Variants in EXOC4 observed in about 807,000 individuals in gnomAD.
EXOC4 encodes exocyst complex component 4, also known as SEC8-like 1.
In EXOC4, 71 loss-of-function variants were observed where a neutral mutation model predicts 107.2. The ratio of observed to expected loss-of-function variants is 0.66; its 90% CI spans 0.55 to 0.81. The LOEUF is 0.81. Among genes scored for constraint, EXOC4 ranks in the 30% least tolerant of loss-of-function variants. The probability of loss-of-function intolerance (pLI) is 0.00; values close to 1 mark genes in which losing one functional copy is unlikely to be tolerated. For synonymous variants in EXOC4, 456 were observed against 441.2 expected (o/e 1.03, Z -0.42); for missense variants, 1,108 against 1,189.6 (o/e 0.93, Z 1.01).
intron 10 of EXOC4, among the ~76,000 whole-genome samples, chr7:133,694,399 G>A (rs927130617): frequency 2.0e-5 from 3 of 152,080 alleles, no homozygotes; most frequent in South Asian, 2.1e-4. Flanking sequence ...CTTGAGAACC[G>A]CTATAAATGC....
chr7:133,314,843 TAGAC>T (rs1794953749), intron 4 of EXOC4, among the ~76,000 whole-genome samples: 1 of 152,244 alleles, frequency 6.6e-6, no homozygotes, highest in South Asian at 2.1e-4. Flanking sequence ...TTTAAATATT[TAGAC>T]AATGTATTAT....
intron 6 of EXOC4, among the ~76,000 whole-genome samples, chr7:133,374,176 A>G (rs6951918): frequency 0.069 from 10,489 of 152,258 alleles, 1,211 homozygotes; most frequent in African/African-American, 0.23. Context: ...CTGCACTGCA[A>G]CCTTATTTTG....
Position 133,981,478 on chromosome 7 carries a change from A to G in EXOC4, c.2207-16014A>G, listed in dbSNP as rs1240175441. ...AGATATTTTTTTAAAGAAGACATACATGCAGGCAACAAGAAAAAAAAGCTA... is the reference window on the plus strand; with the variant it reads ...AGATATTTTTTTAAAGAAGACATACGTGCAGGCAACAAGAAAAAAAAGCTA... On this transcript the variant is annotated intron_variant, in intron 14 of 17. Transcript: ENST00000253861. Among the ~76,000 whole-genome samples, 3 of 152,296 alleles carry G rather than the reference A, an allele frequency of 2.0e-5. No individual in the cohort carries two copies. The East Asian group carries it at 5.8e-4, about 29-fold the overall frequency.
At chr7:133,853,386 ACACACACACAC>A (rs1461504607) in intron 11 of EXOC4, among the ~76,000 whole-genome samples, 4 of 133,536 alleles carry the variant, frequency 3.0e-5, no homozygotes, top group South Asian at 2.3e-4. Context: ...ACACACACAC[ACACACACACAC>A]AACTTTTTAG....
Position 133,743,866 on chromosome 7 carries a change from C to T in EXOC4, c.1515-73459C>T, listed in dbSNP as rs1416656217. On this transcript the variant is annotated intron_variant, in intron 10 of 17. Transcript: ENST00000253861. ...TACATCAGAGCCACCCTGCTTCTCACTGCTGCTTAGTAGGTTGGTGTGTCT... is the reference window on the plus strand; with the variant it reads ...TACATCAGAGCCACCCTGCTTCTCATTGCTGCTTAGTAGGTTGGTGTGTCT... Among the ~76,000 whole-genome samples the T allele has an allele frequency of 5.9e-5, 9 of 152,126 alleles. No individual in the cohort carries two copies. The East Asian group carries it at 1.7e-3, about 29-fold the overall frequency.
intron 6 of EXOC4, among the ~76,000 whole-genome samples, chr7:133,371,003 T>C (rs757499723): frequency 2.6e-5 from 4 of 152,192 alleles, no homozygotes; most frequent in Non-Finnish European, 4.4e-5. Context: ...AATGGAAATC[T>C]ATTGTTTCTT....
rs187823747 is a variant in EXOC4, at chr7:133,885,810, A to G, written c.1735-9789A>G. 5.6e-3 allele frequency among the ~76,000 whole-genome samples: 848 copies of G among 152,322 alleles called. 8 individuals carry two copies. Among genetic ancestry groups the G allele is most frequent in the African/African-American group, 0.019 (807 of 41,582 alleles). ...CTCGTAATTTAGTGTGGTTGGAGCA[A>G]GAGATGGGCATGTTCAGAGGAACTG... On this transcript the variant is annotated intron_variant, in intron 11 of 17. Transcript: ENST00000253861.
intron 17 of EXOC4, among the ~76,000 whole-genome samples, chr7:134,033,199 A>T (rs938841761): frequency 6.6e-6 from 1 of 152,210 alleles, no homozygotes; most frequent in Non-Finnish European, 1.5e-5. Flanking sequence ...AAAATGTCAG[A>T]GTGCCAAGAG....
chr7:133,668,537 A>G (rs935391935), intron 10 of EXOC4, among the ~76,000 whole-genome samples: 4 of 152,154 alleles, frequency 2.6e-5, no homozygotes, highest in Non-Finnish European at 5.9e-5. Flanking sequence ...ACACAGGTTT[A>G]TCCATAATGT....
intron 12 of EXOC4, among the ~76,000 whole-genome samples, chr7:133,902,692 A>G (rs1799479922): frequency 6.6e-6 from 1 of 152,146 alleles, no homozygotes; most frequent in Non-Finnish European, 1.5e-5. Flanking sequence ...GTCTCTACTA[A>G]AAACGCCAAA....
intron 17 of EXOC4, among the ~76,000 whole-genome samples, chr7:134,063,229 C>G (rs992362027): frequency 6.6e-6 from 1 of 152,164 alleles, no homozygotes; most frequent in Non-Finnish European, 1.5e-5. Context: ...GCTCTTCCCT[C>G]CAACTAGAAT....
At chr7:133,886,443 C>A (rs1799089219) in intron 11 of EXOC4, among the ~76,000 whole-genome samples, 1 of 152,122 alleles carries the variant, frequency 6.6e-6, no homozygotes, top group African/African-American at 2.4e-5. Flanking sequence ...ACAACTGGTT[C>A]ACTTTATACT....
chr7:133,707,050 G>A (rs541839396), intron 10 of EXOC4, among the ~76,000 whole-genome samples: 13 of 151,122 alleles, frequency 8.6e-5, no homozygotes, highest in Non-Finnish European at 1.6e-4. Flanking sequence ...AGACATGTGT[G>A]TGTACACATT....
At chr7:133,376,389 C>T (rs772433472) in intron 7 of EXOC4, among the ~76,000 whole-genome samples, 10 of 151,938 alleles carry the variant, frequency 6.6e-5, no homozygotes, top group Non-Finnish European at 1.2e-4. Flanking sequence ...GTGTGCCTTT[C>T]GTATCCATGT....
intron 10 of EXOC4, among the ~76,000 whole-genome samples, chr7:133,634,932 TC>T (rs1327996159): frequency 6.6e-6 from 1 of 152,080 alleles, no homozygotes; most frequent in Non-Finnish European, 1.5e-5. Context: ...TGCCTTTTTT[TC>T]TTCCATTGAC....
At chr7:133,940,937 G>C (rs1182404817) in intron 14 of EXOC4, among the ~76,000 whole-genome samples, 1 of 151,944 alleles carries the variant, frequency 6.6e-6, no homozygotes, top group Non-Finnish European at 1.5e-5. Context: ...TATTTGGTAT[G>C]GTAAAGGCCA....
chr7:133,305,904 C>T lies in EXOC4; in HGVS notation c.499C>T (p.Pro167Ser), dbSNP rs1259568154. ...LVSAVESLEGPLLQVEGLSDL... is the reference protein window; with the variant it reads ...LVSAVESLEGSLLQVEGLSDL... Reference sequence around the variant, plus strand: ...GTCAGCAGTTGAGTCTTTGGAGGGCCCCCTGCTCCAGGTGGAAGGACTGAG... The same window carrying T: ...GTCAGCAGTTGAGTCTTTGGAGGGCTCCCTGCTCCAGGTGGAAGGACTGAG... Residue 167 changes from proline (P) to serine (S), a missense_variant, in exon 4 of 18, where the codon CCC becomes TCC. Transcript: ENST00000253861. 2 of 1,609,322 alleles carry T rather than the reference C, an allele frequency of 1.2e-6. No individual in the cohort carries two copies. The highest frequency in any genetic ancestry group is 1.7e-6 in the Non-Finnish European group (2 of 1,177,874).
chr7:134,036,837 C>G (rs940978766), intron 17 of EXOC4, among the ~76,000 whole-genome samples: 1 of 152,162 alleles, frequency 6.6e-6, no homozygotes, highest in African/African-American at 2.4e-5. Context: ...TTACTAGTAG[C>G]TGCTTAGCCC....
intron 9 of EXOC4, among the ~76,000 whole-genome samples, chr7:133,579,792 T>G (rs565488916): frequency 1.3e-4 from 20 of 152,066 alleles, no homozygotes; most frequent in African/African-American, 3.9e-4. Context: ...GTTCAAGTGA[T>G]CCTCCTGCTT....
Sources: allele counts gnomAD v4.1 joint callset (sites outside exome capture counted in the v4.1 genomes callset), GRCh38; gene constraint gnomAD v4.1.1; transcripts MANE v1.5; gene names NCBI Gene and HGNC (gene_info 2026-07-23, HGNC 2026-07-21).